Variants in CFAP77 observed in about 807,000 individuals in gnomAD.
The protein encoded by CFAP77 is cilia- and flagella-associated protein 77.
In CFAP77, 25 loss-of-function variants were observed where a neutral mutation model predicts 31.1. That is an observed-to-expected ratio of 0.80 (90% CI 0.59 to 1.12). The LOEUF (loss-of-function observed/expected upper bound fraction) is 1.12. Among genes scored for constraint, CFAP77 ranks in the 50% most tolerant of loss-of-function variants. The pLI, the probability that CFAP77 is intolerant of heterozygous loss-of-function variation, is 0.00. For missense variants in CFAP77, 377 were observed against 397.3 expected, an observed-to-expected ratio of 0.95 and a Z score of 0.44; for synonymous variants, 151 against 159.9, an observed-to-expected ratio of 0.94 and a Z score of 0.42.
At chr9:132,559,959 T>G (rs192257604) in intron 5 of CFAP77, among the ~76,000 whole-genome samples, 1 of 152,210 alleles carries the variant, frequency 6.6e-6, no homozygotes, top group African/African-American at 2.4e-5. Context: ...TCCATTTATA[T>G]GAAGAGTCCA....
chr9:132,488,453 G>C (rs769899379), intron 1 of CFAP77, among the ~76,000 whole-genome samples: 13 of 152,188 alleles, frequency 8.5e-5, no homozygotes, highest in Non-Finnish European at 1.8e-4. Flanking sequence ...AAGAGGTACA[G>C]CTGTTTTGCA....
At chr9:132,532,590 C>G (rs1474330880) in intron 3 of CFAP77, among the ~76,000 whole-genome samples, 3 of 152,204 alleles carry the variant, frequency 2.0e-5, no homozygotes, top group African/African-American at 7.2e-5. Context: ...CCACATAAAA[C>G]GCAGAGTGAG....
In CFAP77 at chr9:132,455,375, C is replaced by T. The variant is rs578082544; in HGVS notation, c.196-43320C>T. Among the ~76,000 whole-genome samples, 20 of 152,006 alleles carry T rather than the reference C, an allele frequency of 1.3e-4. No individual in the cohort carries two copies. The South Asian group carries it at 2.7e-3, about 21-fold the overall frequency. ...TACAAAAATTAGCCAGGTGTGGTGG[C>T]GGGCACCTGATATCCCAGCTACTCG... On this transcript the variant is annotated intron_variant, in intron 1 of 5. Coordinates refer to ENST00000393216, the MANE Select transcript of CFAP77 (RefSeq NM_001282957.2). The surrounding 1 kb of genome is among the most constrained non-coding windows in gnomAD (Gnocchi z 4.1).
At position 132,436,454 on chromosome 9, in the gene CFAP77, TG is replaced by T. The variant is rs1398706971; in HGVS notation, c.195+25992del. On this transcript the variant is annotated intron_variant, in intron 1 of 5. Transcript: ENST00000393216. ...CAAATGAGGTCACATTCACAGGTTC[TG>T]GGGACATACCTTTTGCAACCCACTA... Among the ~76,000 whole-genome samples the T allele has an allele frequency of 3.9e-5, 6 of 152,372 alleles. No homozygotes were observed. The South Asian group carries it at 1.2e-3, about 32-fold the overall frequency.
chr9:132,478,557 C>CA (rs1417947201), intron 1 of CFAP77, among the ~76,000 whole-genome samples: 3 of 152,218 alleles, frequency 2.0e-5, no homozygotes, highest in African/African-American at 7.2e-5. Context: ...AGCTCCCTGA[C>CA]AGCCCTGTCG....
At chr9:132,423,557 C>T (rs1008034314) in intron 1 of CFAP77, among the ~76,000 whole-genome samples, 2 of 152,194 alleles carry the variant, frequency 1.3e-5, no homozygotes, top group African/African-American at 2.4e-5. Flanking sequence ...ACACAAATTG[C>T]CCATAGTCAC....
intron 5 of CFAP77, among the ~76,000 whole-genome samples, chr9:132,572,153 T>C (rs991931237): frequency 2.6e-5 from 4 of 152,126 alleles, no homozygotes; most frequent in African/African-American, 7.2e-5. Context: ...GTTCTGCCTG[T>C]ATCTTCCCCA....
At chr9:132,457,944 C>T (rs1428963919) in intron 1 of CFAP77, among the ~76,000 whole-genome samples, 1 of 152,176 alleles carries the variant, frequency 6.6e-6, no homozygotes, top group African/African-American at 2.4e-5. Context: ...TCTGGTGTCC[C>T]AGATCGTCAG....
At chr9:132,516,289 TCTG>T (rs1852145121) in intron 3 of CFAP77, among the ~76,000 whole-genome samples, 1 of 152,108 alleles carries the variant, frequency 6.6e-6, no homozygotes, top group African/African-American at 2.4e-5. Context: ...TGGCCTAGAG[TCTG>T]CTATTTGCAA....
At position 132,523,894 on chromosome 9, in the gene CFAP77, A is replaced by T. The variant is rs184758448; in HGVS notation, c.525-13707A>T. 9.2e-5 allele frequency among the ~76,000 whole-genome samples: 14 copies of T among 151,788 alleles called. No homozygotes were observed. The East Asian group carries it at 2.3e-3, about 25-fold the overall frequency. On this transcript the variant is annotated intron_variant, in intron 3 of 5. Coordinates refer to ENST00000393216, the MANE Select transcript of CFAP77 (RefSeq NM_001282957.2). ...CCATGTGTCTGGTTTCTGCCCCGCC[A>T]CCCCCACTCCCAGGCTCCAGGATGA...
intron 1 of CFAP77, among the ~76,000 whole-genome samples, chr9:132,418,003 C>A (rs796800638): frequency 6.6e-6 from 1 of 152,180 alleles, no homozygotes; most frequent in Non-Finnish European, 1.5e-5. Flanking sequence ...CCGAGCTTAC[C>A]CTTGAGGGTT....
At chr9:132,433,981 A>G (rs1032870284) in intron 1 of CFAP77, among the ~76,000 whole-genome samples, 1 of 151,364 alleles carries the variant, frequency 6.6e-6, no homozygotes, top group Non-Finnish European at 1.5e-5. Context: ...TAAAAAAAAA[A>G]AAAAAAAATT....
chr9:132,539,272 G>A lies in CFAP77; in HGVS notation c.630+1566G>A, dbSNP rs961962006. ...TAGACTTCATCAAGGCGTGGCTCCGGCGTGGCTAGTTGTCATGACAATCAC... is the reference window on the plus strand; with the variant it reads ...TAGACTTCATCAAGGCGTGGCTCCGACGTGGCTAGTTGTCATGACAATCAC... On this transcript the variant is annotated intron_variant, in intron 4 of 5. Transcript: ENST00000393216. The surrounding 1 kb of genome is among the most constrained non-coding windows in gnomAD (Gnocchi z 4.3). 8.5e-5 allele frequency among the ~76,000 whole-genome samples: 13 copies of A among 152,056 alleles called. No homozygotes were observed. Among genetic ancestry groups the A allele is most frequent in the Non-Finnish European group, 1.8e-4 (12 of 68,014 alleles).
chr9:132,422,594 G>C (rs1374494087), intron 1 of CFAP77, among the ~76,000 whole-genome samples: 1 of 152,216 alleles, frequency 6.6e-6, no homozygotes, highest in Non-Finnish European at 1.5e-5. Flanking sequence ...AAGCAAGGAG[G>C]AACCTGGAGC....
At chr9:132,446,796 C>G (rs1036167735) in intron 1 of CFAP77, among the ~76,000 whole-genome samples, 1 of 150,668 alleles carries the variant, frequency 6.6e-6, no homozygotes, top group African/African-American at 2.4e-5. Context: ...ACTGAGGGCT[C>G]TACTGTGTGG....
At chr9:132,482,511 C>T in intron 1 of CFAP77, 2 of 892,382 alleles carry the variant, frequency 2.2e-6, no homozygotes, top group Non-Finnish European at 3.6e-6. Flanking sequence ...GCGTGCTGGG[C>T]ACCCGTGGCG....
At position 132,572,483 on chromosome 9, in the gene CFAP77, G is replaced by A. The variant is rs1336189665; in HGVS notation, c.828G>A (p.Leu276=). Residue 276 remains leucine (L), a synonymous_variant, in exon 6 of 6, where the codon CTG becomes CTA. Coordinates refer to ENST00000393216, the MANE Select transcript of CFAP77 (RefSeq NM_001282957.2). ...AGTGTGCCGTGCGCCAGGGGACCCT[G>A]CGGATGGGCAACTACACCCACCCCT... ...REECAVRQGT[L]RMGNYTHP 1.9e-6 allele frequency: 3 copies of A among 1,608,822 alleles called. No homozygotes were observed. Among genetic ancestry groups the A allele is most frequent in the African/African-American group, 1.3e-5 (1 of 74,962 alleles).
chr9:132,421,953 G>C (rs929218852), intron 1 of CFAP77, among the ~76,000 whole-genome samples: 7 of 151,910 alleles, frequency 4.6e-5, no homozygotes, highest in African/African-American at 1.7e-4. Flanking sequence ...TTGAGGAGCT[G>C]TTATGTGTGC....
intron 3 of CFAP77, among the ~76,000 whole-genome samples, chr9:132,521,778 T>TTTTGTTTTTG (rs1554747338): frequency 3.8e-5 from 4 of 106,118 alleles, no homozygotes; most frequent in Non-Finnish European, 5.2e-5. Flanking sequence ...TTTTTTTTTT[T>TTTTGTTTTTG]TTTTTTGAGA....
Sources: allele counts gnomAD v4.1 joint callset (sites outside exome capture counted in the v4.1 genomes callset), GRCh38; gene constraint gnomAD v4.1.1; non-coding constraint Gnocchi (gnomAD v3.1); transcripts MANE v1.5; gene names NCBI Gene and HGNC (gene_info 2026-07-23, HGNC 2026-07-21).